Variants in MTAP observed in about 807,000 individuals in gnomAD.
MTAP encodes methylthioadenosine phosphorylase.
Under a neutral mutation model 33.6 loss-of-function variants are expected in MTAP, and 33 were observed. The ratio of observed to expected loss-of-function variants is 0.98; its 90% CI spans 0.74 to 1.31. The LOEUF (loss-of-function observed/expected upper bound fraction) is 1.31, where lower values mean the gene tolerates loss of function less well. Ranked by LOEUF, MTAP falls within the 40% of genes most tolerant of loss-of-function variation. The pLI is 0.00. For synonymous variants in MTAP, 148 were observed against 125.7 expected (o/e 1.18, Z -1.19); for missense variants, 367 against 360.0 (o/e 1.02, Z -0.16).
intron 1 of MTAP, among the ~76,000 whole-genome samples, chr9:21,909,758 T>C (rs1231006446): frequency 6.6e-6 from 1 of 152,182 alleles, no homozygotes; most frequent in African/African-American, 2.4e-5. Flanking sequence ...TAGTATGGCA[T>C]TCATTTAACA....
At chr9:21,879,430 G>A (rs1817961294) in intron 1 of MTAP, among the ~76,000 whole-genome samples, 1 of 151,880 alleles carries the variant, frequency 6.6e-6, no homozygotes. Flanking sequence ...CCTTTATTTT[G>A]AGCTTATGGG....
chr9:21,931,452 C>T (rs1478540879), downstream of MTAP: 1 of 357,510 alleles, frequency 2.8e-6, no homozygotes. Context: ...TAGGTTGCAA[C>T]TGGCAGCAGG....
intron 1 of MTAP, among the ~76,000 whole-genome samples, chr9:21,803,532 G>A (rs1587188115): frequency 6.6e-6 from 1 of 152,156 alleles, no homozygotes; most frequent in Admixed American, 6.6e-5. Flanking sequence ...GAGAGGCCTT[G>A]ATACAAGGGG....
intron 1 of MTAP, among the ~76,000 whole-genome samples, chr9:21,919,895 C>T (rs939421188): frequency 2.6e-5 from 4 of 152,074 alleles, no homozygotes; most frequent in Non-Finnish European, 5.9e-5. Flanking sequence ...CTGAATTTTA[C>T]GTAAACACAC....
intron 1 of MTAP, among the ~76,000 whole-genome samples, chr9:21,914,395 T>C (rs1563869012): frequency 6.6e-6 from 1 of 152,084 alleles, no homozygotes; most frequent in South Asian, 2.1e-4. Flanking sequence ...TGTCCATCAA[T>C]GATAGACCTG....
At chr9:21,881,389 C>T (rs990973791) in intron 1 of MTAP, among the ~76,000 whole-genome samples, 2 of 151,928 alleles carry the variant, frequency 1.3e-5, no homozygotes, top group Non-Finnish European at 2.9e-5. Context: ...GCACAGGCAA[C>T]AAAAGCCAAA....
At chr9:21,812,693 G>T (rs926995500) in intron 1 of MTAP, among the ~76,000 whole-genome samples, 2 of 152,202 alleles carry the variant, frequency 1.3e-5, no homozygotes, top group African/African-American at 4.8e-5. Context: ...CACTGTTTCT[G>T]TGCTTGTTCT....
chr9:21,884,918 CTG>C (rs1818085249), intron 1 of MTAP, among the ~76,000 whole-genome samples: 1 of 152,076 alleles, frequency 6.6e-6, no homozygotes, highest in Non-Finnish European at 1.5e-5. Context: ...ATTAGTAAAA[CTG>C]TAGAGAAGTA....
At chr9:21,886,931 A>C (rs1192757104) in intron 1 of MTAP, among the ~76,000 whole-genome samples, 5 of 152,074 alleles carry the variant, frequency 3.3e-5, no homozygotes, top group Admixed American at 3.3e-4. Flanking sequence ...GCTATTTCAT[A>C]GTTCCATTTG....
chr9:21,841,832 A>C (rs914813914), intron 5 of MTAP, among the ~76,000 whole-genome samples: 13 of 152,196 alleles, frequency 8.5e-5, no homozygotes, highest in African/African-American at 3.1e-4. Flanking sequence ...ATGACAAGGA[A>C]CCAGAAAAGC....
At chr9:21,832,372 C>T (rs969599450) in intron 4 of MTAP, among the ~76,000 whole-genome samples, 3 of 152,136 alleles carry the variant, frequency 2.0e-5, no homozygotes, top group South Asian at 2.1e-4. Flanking sequence ...GACTAGAAAG[C>T]GTTTTATGGT....
chr9:21,930,741 AT>A, intron 1 of MTAP: 1 of 682,874 alleles, frequency 1.5e-6, no homozygotes, highest in Non-Finnish European at 2.6e-6. Context: ...ACAGGGAGGA[AT>A]TTGTTTAGCT....
At chr9:21,857,175 C>A (rs561406387) in intron 6 of MTAP, among the ~76,000 whole-genome samples, 3 of 152,148 alleles carry the variant, frequency 2.0e-5, no homozygotes, top group Non-Finnish European at 4.4e-5. Flanking sequence ...TGAAGCCCAA[C>A]AGCTGGAACA....
downstream of MTAP, among the ~76,000 whole-genome samples, chr9:21,867,833 G>A (rs1034939424): frequency 1.3e-5 from 2 of 152,132 alleles, no homozygotes; most frequent in East Asian, 1.9e-4. Flanking sequence ...ATGCATCTTG[G>A]AACTGTTATA....
chr9:21,936,208 C>T (rs1429730619), exon 8 of MTAP: 1 of 152,152 alleles, frequency 6.6e-6, no homozygotes, highest in Admixed American at 6.5e-5. Flanking sequence ...GAATTTAACT[C>T]CACAAGTATT....
intron 4 of MTAP, among the ~76,000 whole-genome samples, chr9:21,828,733 A>G (rs947340817): frequency 2.6e-5 from 4 of 152,306 alleles, no homozygotes; most frequent in South Asian, 4.1e-4. Context: ...CAATTTTTAC[A>G]TTGATTACTT....
chr9:21,875,933 C>A (rs1403833431), intron 1 of MTAP, among the ~76,000 whole-genome samples: 1 of 152,052 alleles, frequency 6.6e-6, no homozygotes, highest in Non-Finnish European at 1.5e-5. Flanking sequence ...CTATTTTTAG[C>A]TCTTTGAGGA....
At chr9:21,929,045 A>G (rs1818911935) in intron 1 of MTAP, among the ~76,000 whole-genome samples, 1 of 152,092 alleles carries the variant, frequency 6.6e-6, no homozygotes, top group South Asian at 2.1e-4. Context: ...AAAGCTTGGA[A>G]GGTTGAAACC....
chr9:21,882,518 A>G (rs1818031652), intron 1 of MTAP, among the ~76,000 whole-genome samples: 1 of 152,064 alleles, frequency 6.6e-6, no homozygotes, highest in Non-Finnish European at 1.5e-5. Context: ...AAATGGAGAA[A>G]TTTACAAAAA....
Sources: gnomAD v4.1 joint callset for allele counts (sites outside exome capture counted in the v4.1 genomes callset) on GRCh38, gnomAD v4.1.1 for gene constraint, MANE v1.5 for transcripts, NCBI Gene and HGNC (gene_info 2026-07-23, HGNC 2026-07-21) for gene names.